GOLGA8M: variants seen among roughly 807,000 people sequenced by gnomAD.
GOLGA8M encodes golgin A8 family member M.
Under a neutral mutation model 87.7 loss-of-function variants are expected in GOLGA8M, and 34 were observed. That is an observed-to-expected ratio of 0.39 (90% CI 0.29 to 0.52). The LOEUF (loss-of-function observed/expected upper bound fraction) is 0.52, where lower values mean the gene tolerates loss of function less well. Among genes scored for constraint, GOLGA8M ranks in the 20% least tolerant of loss-of-function variants. The pLI is 0.80. For synonymous variants in GOLGA8M, 138 were observed against 250.2 expected (o/e 0.55, Z 4.23); for missense variants, 396 against 682.2 (o/e 0.58, Z 4.67).
Position 28,711,954 on chromosome 15 carries a change from C to T in GOLGA8M, c.48+322G>A, listed in dbSNP as rs7173192. 972 of 985,030 alleles carry T rather than the reference C, an allele frequency of 9.9e-4. 24 individuals carry two copies. In the African/African-American group the frequency reaches 0.015, roughly 16 times the overall value. The allele number at this position is 985,030 out of a possible 1,614,324, so 61.0% of individuals were successfully genotyped here. A position where few individuals can be genotyped will look rare whatever the true frequency, so the allele number is the denominator to read the frequency against. Reference sequence around the variant, plus strand: ...CAGGGATGATTGGCGAGGGTGGGGCCTGGCTCCTCAGAGATGAGAGCCCAA... The same window carrying T: ...CAGGGATGATTGGCGAGGGTGGGGCTTGGCTCCTCAGAGATGAGAGCCCAA... On this transcript the variant is annotated intron_variant, in intron 1 of 18. Coordinates refer to ENST00000563027, the MANE Select transcript of GOLGA8M (RefSeq NM_001282468.3).
At position 28,708,375 on chromosome 15, in the gene GOLGA8M, T is replaced by A. The variant is rs1386962837; in HGVS notation, c.348A>T (p.Glu116Asp). ...TTGCAAGGAAACGAAATCACGTTAC[T>A]TCTTCCAGCTGATGTTCCACTTGTT... Reference protein sequence around the residue: ...QKKQVEHQLEEEKKANNKKQK... With the variant: ...QKKQVEHQLEDEKKANNKKQK... The change falls in exon 5 of 19, where the codon GAA (glutamate) becomes GAT (aspartate). Residue 116 changes from glutamate (E) to aspartate (D), a missense_variant and splice_region_variant. This residue lies in a region of GOLGA8M where 80 missense variants were observed against 119.9 expected (regional missense o/e 0.67). Transcript: ENST00000563027. The A allele has an allele frequency of 1.3e-6, 2 of 1,589,494 alleles. No homozygotes were observed. Among genetic ancestry groups the A allele is most frequent in the Admixed American group, 3.3e-5 (2 of 59,780 alleles).
At position 28,708,159 on chromosome 15, in the gene GOLGA8M, G is replaced by C. The variant is rs2080095470; in HGVS notation, c.363C>G (p.Asn121Lys). 1.9e-6 allele frequency: 3 copies of C among 1,586,218 alleles called. No individual in the cohort carries two copies. Among genetic ancestry groups the C allele is most frequent in the African/African-American group, 1.3e-5 (1 of 74,516 alleles). The change falls in exon 6 of 19, where the codon AAC (asparagine) becomes AAG (lysine). Residue 121 changes from asparagine to lysine, a missense_variant. Asn to Lys is a moderately conservative substitution (Grantham distance 94). This residue lies in a region of GOLGA8M where 80 missense variants were observed against 119.9 expected (regional missense o/e 0.67). Transcript: ENST00000563027. ...CCCTTTTGGCTTTCTGTTTCTTGTT[G>C]TTTGCTTTCTTTTCCTGTAGGAAGA... ...EHQLEEEKKA[N>K]NKKQKAKRVL... is the part of the protein sequence containing the mutation.
At chr15:28,711,947 G>T in intron 1 of GOLGA8M, 1 of 985,116 alleles carries the variant, frequency 1.0e-6, no homozygotes, top group South Asian at 4.7e-5. Context: ...ATTGGCGAGG[G>T]TGGGGCCTGG....
In GOLGA8M at chr15:28,699,277, T is replaced by C. The variant is rs1391683361; in HGVS notation, c.*2677A>G. ...GTATTTTGATTCTTCCTACAGAAAT[T>C]AAAATGTATTCAGTGGAACTCACAG... is the stretch of plus-strand genomic sequence containing the variant. On this transcript the variant is annotated 3_prime_UTR_variant, in exon 19 of 19. Coordinates refer to ENST00000563027, the MANE Select transcript of GOLGA8M (RefSeq NM_001282468.3). Among the ~76,000 whole-genome samples, 1 of 147,288 alleles carries C rather than the reference T, an allele frequency of 6.8e-6. No homozygotes were observed. The highest frequency in any genetic ancestry group is 2.5e-5 in the African/African-American group (1 of 39,886).
At chr15:28,703,150 C>A (rs2079870556) in intron 15 of GOLGA8M, among the ~76,000 whole-genome samples, 169 bp downstream of exon 15, 1 of 133,246 alleles carries the variant, frequency 7.5e-6, no homozygotes, top group South Asian at 2.4e-4. Context: ...CCCTTGGGCC[C>A]CCAGAGACTG....
At chr15:28,712,472 T>A (rs2080223912), upstream of GOLGA8M, 11 of 1,606,528 alleles carry the variant, frequency 6.8e-6, no homozygotes, top group Admixed American at 1.8e-4. Context: ...AATAGGGGTG[T>A]GGCCTTAATG....
chr15:28,713,256 G>A (rs544339470), upstream of GOLGA8M, among the ~76,000 whole-genome samples: 132 of 151,388 alleles, frequency 8.7e-4, no homozygotes, highest in African/African-American at 3.1e-3. Context: ...AGAATGACAT[G>A]AACCCCCGAG....
chr15:28,703,677 C>G, intron 14 of GOLGA8M, 165 bp downstream of exon 14: 4 of 859,096 alleles, frequency 4.7e-6, no homozygotes, highest in Non-Finnish European at 6.9e-6. Flanking sequence ...GGTGACCCCC[C>G]GCTCACAGGA....
rs2079768206 is a variant in GOLGA8M, at chr15:28,700,862, G to C, written c.*1092C>G. On this transcript the variant is annotated 3_prime_UTR_variant, in exon 19 of 19. Transcript: ENST00000563027. Reference sequence around the variant, plus strand: ...AGAGAGGAATGCCAGGTGTCACACAGCTTTCCTTCACTCTAATTCATTCTT... The same window carrying C: ...AGAGAGGAATGCCAGGTGTCACACACCTTTCCTTCACTCTAATTCATTCTT... 1.3e-5 allele frequency among the ~76,000 whole-genome samples: 2 copies of C among 151,906 alleles called. No homozygotes were observed. Among genetic ancestry groups the C allele is most frequent in the South Asian group, 4.1e-4 (2 of 4,828 alleles).
intron 13 of GOLGA8M, among the ~76,000 whole-genome samples, chr15:28,704,274 C>T (rs1307191541): frequency 2.7e-4 from 40 of 148,936 alleles, no homozygotes; most frequent in Non-Finnish European, 3.4e-4. Flanking sequence ...TGTGAGGGCA[C>T]GTGGTGGCTG....
chr15:28,705,200 A>G lies in GOLGA8M; in HGVS notation c.1159T>C (p.Leu387=). ...TGTAGCTCCTTTACTTGCTGCTCCA[A>G]CTGCAGTGTGCTCTTGTTCTCATTG... is the stretch of plus-strand genomic sequence containing the variant. ...PNNENKSTLQ[L]EQQVKELQEK... The change falls in exon 13 of 19, where the codon TTG becomes CTG. Residue 387 remains leucine, a synonymous_variant. Coordinates refer to ENST00000563027, the MANE Select transcript of GOLGA8M (RefSeq NM_001282468.3). 6.3e-7 allele frequency: 1 copy of G among 1,598,142 alleles called. No individual in the cohort carries two copies. The highest frequency in any genetic ancestry group is 8.5e-7 in the Non-Finnish European group (1 of 1,179,740).
chr15:28,703,293 A>G lies in GOLGA8M; in HGVS notation c.1368+26T>C, dbSNP rs746912364. 510 of 410,916 alleles carry G rather than the reference A, an allele frequency of 1.2e-3. 35 individuals carry two copies. The African/African-American group carries it at 0.025, about 20-fold the overall frequency. 25.5% of individuals were successfully genotyped at this position (410,916 alleles called of 1,614,324 possible). A position where few individuals can be genotyped will look rare whatever the true frequency, so the allele number is the denominator to read the frequency against. The stretch of plus-strand genomic sequence containing the variant: ...AGGGACCACAGAGAAAGGTGGCAAA[A>G]TGGGTGCAGGGGGAGTCAGGCTCAC... On this transcript the variant is annotated intron_variant, in intron 15 of 18. Coordinates refer to ENST00000563027, the MANE Select transcript of GOLGA8M (RefSeq NM_001282468.3).
rs765986510 is a variant in GOLGA8M, at chr15:28,705,197, C to T, written c.1162G>A (p.Glu388Lys). 4 of 1,598,302 alleles carry T rather than the reference C, an allele frequency of 2.5e-6. No individual in the cohort carries two copies. Among genetic ancestry groups the T allele is most frequent in the South Asian group, 2.2e-5 (2 of 91,008 alleles). Residue 388 changes from glutamate to lysine, a missense_variant, in exon 13 of 19, where the codon GAG becomes AAG. Glu to Lys is a moderately conservative substitution (Grantham distance 56). Transcript: ENST00000563027. ...NNENKSTLQLEQQVKELQEKL... is the reference protein window; with the variant it reads ...NNENKSTLQLKQQVKELQEKL... ...TCCTGTAGCTCCTTTACTTGCTGCTCCAACTGCAGTGTGCTCTTGTTCTCA... is the reference window on the plus strand; with the variant it reads ...TCCTGTAGCTCCTTTACTTGCTGCTTCAACTGCAGTGTGCTCTTGTTCTCA...
In GOLGA8M at chr15:28,702,646, G is replaced by T. The variant is rs1348220159; in HGVS notation, c.1468C>A (p.Gln490Lys). The T allele has an allele frequency of 1.2e-6, 2 of 1,609,770 alleles. No homozygotes were observed. Among genetic ancestry groups the T allele is most frequent in the Non-Finnish European group, 1.7e-6 (2 of 1,179,968 alleles). Residue 490 changes from glutamine to lysine, a missense_variant and splice_region_variant, in exon 16 of 19, where the codon CAG becomes AAG. Physicochemically the swap from Gln to Lys is moderately conservative, Grantham distance 53 (BLOSUM62 1). This residue lies in a region of GOLGA8M where 173 missense variants were observed against 150.2 expected (regional missense o/e 1.15). Transcript: ENST00000563027. ...FIQYWQERCHQKIHHLLSEPG... is the reference protein window; with the variant it reads ...FIQYWQERCHKKIHHLLSEPG... ...GCCGTGCCCTGGCCTCCCACTCACT[G>T]ATGGCATCTCTCTTGCCAGTATTGA...
rs768704308 is a variant in GOLGA8M at position 28,708,128 on chromosome 15, C to T, written c.394G>A (p.Glu132Lys). Residue 132 changes from glutamate (E) to lysine (K), a missense_variant and splice_region_variant, in exon 6 of 19, where the codon GAG becomes AAG. Around this residue, in one of 12 missense-constraint regions of GOLGA8M, gnomAD observed 80 missense variants for 119.9 expected, o/e 0.67. Coordinates refer to ENST00000563027, the MANE Select transcript of GOLGA8M (RefSeq NM_001282468.3). ...NKKQKAKRVL[E>K]VQLQTLNIQK... is the part of the protein sequence containing the mutation. ...GAAACTGCACACCCTCCACTCACCT[C>T]TAGCACCCTTTTGGCTTTCTGTTTC... The T allele has an allele frequency of 6.3e-7, 1 of 1,598,218 alleles. No individual in the cohort carries two copies. The highest frequency in any genetic ancestry group is 1.3e-5 in the African/African-American group (1 of 74,636).
In GOLGA8M at chr15:28,706,467, C is replaced by G; in HGVS notation, c.718G>C (p.Glu240Gln). The G allele has an allele frequency of 7.8e-7, 1 of 1,277,252 alleles. No homozygotes were observed. Among genetic ancestry groups the G allele is most frequent in the South Asian group, 1.2e-5 (1 of 81,606 alleles). The allele number at this position is 1,277,252 out of a possible 1,614,324, so 79.1% of individuals were successfully genotyped here. A position where few individuals can be genotyped will look rare whatever the true frequency, so the allele number is the denominator to read the frequency against. The change falls in exon 10 of 19, where the codon GAG (glutamate) becomes CAG (glutamine). Residue 240 changes from glutamate (E) to glutamine (Q), a missense_variant. Glu to Gln is a conservative substitution (Grantham distance 29). Transcript: ENST00000563027. Reference sequence around the variant, plus strand: ...TCTCCTTTTAGATGTTCAGAATACTCATCTCTTTCTAATTGGACTTGTTGA... The same window carrying G: ...TCTCCTTTTAGATGTTCAGAATACTGATCTCTTTCTAATTGGACTTGTTGA... ...SFQQVQLERD[E>Q]YSEHLKGERA...
In GOLGA8M at chr15:28,701,414, A is replaced by T. The variant is rs956120197; in HGVS notation, c.*540T>A. Among the ~76,000 whole-genome samples, 2 of 151,834 alleles carry T rather than the reference A, an allele frequency of 1.3e-5. No individual in the cohort carries two copies. Among genetic ancestry groups the T allele is most frequent in the Non-Finnish European group, 2.9e-5 (2 of 68,024 alleles). ...TGTTTCCAGTTCTTGGCCTTTAAAC[A>T]ACTCTAAATGTCAGTACTCATAGTG... On this transcript the variant is annotated 3_prime_UTR_variant, in exon 19 of 19. Transcript: ENST00000563027.
chr15:28,703,046 G>A (rs558781024), intron 15 of GOLGA8M: 40 of 930,760 alleles, frequency 4.3e-5, no homozygotes, highest in East Asian at 1.4e-4. Flanking sequence ...TAGCTCCAGC[G>A]GACTTGAGAA....
intron 15 of GOLGA8M, 101 bp from the exon 16 acceptor site, chr15:28,702,846 C>A (rs1391454485): frequency 6.4e-7 from 1 of 1,558,728 alleles, no homozygotes; most frequent in Non-Finnish European, 8.6e-7. Context: ...CATGGGCCAG[C>A]TTCTCCGTGA....
Sources: gnomAD v4.1 joint callset for allele counts (sites outside exome capture counted in the v4.1 genomes callset) on GRCh38, gnomAD v4.1.1 for gene constraint, gnomAD v4.1.1 regional missense constraint, MANE v1.5 for transcripts, NCBI Gene and HGNC (gene_info 2026-07-23, HGNC 2026-07-21) for gene names.